Variants in VWA3B observed in about 807,000 individuals in gnomAD.
VWA3B encodes the protein von Willebrand factor A domain containing 3B.
Under a neutral mutation model 158.3 loss-of-function variants are expected in VWA3B, and 138 were observed. That is an observed-to-expected ratio of 0.87 (90% CI 0.76 to 1.00). The LOEUF (loss-of-function observed/expected upper bound fraction) is 1.00, where lower values mean the gene tolerates loss of function less well. VWA3B is among the 50% of genes least tolerant of loss of function. VWA3B has a pLI of 0.00. For synonymous variants in VWA3B, 596 were observed against 587.3 expected (o/e 1.01, Z -0.21); for missense variants, 1,555 against 1,565.1 (o/e 0.99, Z 0.11).
chr2:98,265,967 G>A (rs1229151279), intron 21 of VWA3B, among the ~76,000 whole-genome samples: 3 of 135,806 alleles, frequency 2.2e-5, no homozygotes, highest in Admixed American at 1.4e-4. Context: ...TGAGTAGGTT[G>A]CGAAAATTTT....
rs549154520 is a variant in VWA3B at position 98,094,280 on chromosome 2, T to C, written c.196+992T>C. ...CACCAACAGTGTGTGTGGGTATCCT[T>C]TTCTCCATATCCTTGCCAACACTTA... On this transcript the variant is annotated intron_variant, in intron 2 of 27. Coordinates refer to ENST00000477737, the MANE Select transcript of VWA3B (RefSeq NM_144992.5). Among the ~76,000 whole-genome samples the C allele has an allele frequency of 4.6e-5, 7 of 152,322 alleles. No individual in the cohort carries two copies. In the South Asian group the frequency reaches 1.5e-3, roughly 32 times the overall value.
chr2:98,229,227 T>A (rs1685156639), intron 15 of VWA3B, among the ~76,000 whole-genome samples: 1 of 152,248 alleles, frequency 6.6e-6, no homozygotes, highest in African/African-American at 2.4e-5. Context: ...AAGAATCAAG[T>A]AAATGAGAAG....
chr2:98,109,552 C>T (rs1673967781), intron 2 of VWA3B, among the ~76,000 whole-genome samples: 1 of 152,136 alleles, frequency 6.6e-6, no homozygotes, highest in Admixed American at 6.5e-5. Context: ...TTGTAATACT[C>T]AAAAGGAGAA....
chr2:98,177,068 G>A (rs1428154485), intron 8 of VWA3B, among the ~76,000 whole-genome samples: 1 of 152,190 alleles, frequency 6.6e-6, no homozygotes, highest in Non-Finnish European at 1.5e-5. Flanking sequence ...GAGCCCCTCT[G>A]GAGCTGAACC....
chr2:98,247,719 C>G (rs1478661048), intron 19 of VWA3B, among the ~76,000 whole-genome samples: 1 of 152,002 alleles, frequency 6.6e-6, no homozygotes, highest in Non-Finnish European at 1.5e-5. Flanking sequence ...ATTCAGTATG[C>G]TGCAGTCTTA....
intron 12 of VWA3B, among the ~76,000 whole-genome samples, chr2:98,199,035 C>A (rs1432241418): frequency 6.7e-6 from 1 of 150,292 alleles, no homozygotes; most frequent in Non-Finnish European, 1.5e-5. Flanking sequence ...TCCAGTGAGC[C>A]GAGATGGCGC....
Position 98,236,492 on chromosome 2 carries a change from T to C in VWA3B, c.2516+15T>C. On this transcript the variant is annotated intron_variant, in intron 18 of 27. Coordinates refer to ENST00000477737, the MANE Select transcript of VWA3B (RefSeq NM_144992.5). ...TATGACCACGAGTGAGTTCTTTAAT[T>C]TGACAAAGACAGTTCTGTTATGCTT... 3.7e-6 allele frequency: 6 copies of C among 1,614,218 alleles called. No homozygotes were observed. The highest frequency in any genetic ancestry group is 4.2e-6 in the Non-Finnish European group (5 of 1,180,014).
chr2:98,102,676 C>T (rs981366503), intron 2 of VWA3B, among the ~76,000 whole-genome samples: 4 of 152,162 alleles, frequency 2.6e-5, no homozygotes, highest in African/African-American at 4.8e-5. Flanking sequence ...GATATTGCTC[C>T]GTAACTTTCT....
At chr2:98,322,376 T>TA in the VWA3B span, among the ~76,000 whole-genome samples, 1 of 151,906 alleles carries the variant, frequency 6.6e-6, no homozygotes, top group Non-Finnish European at 1.5e-5. Flanking sequence ...GTGCCAGAAA[T>TA]AAGAGTTCAG....
intron 17 of VWA3B, among the ~76,000 whole-genome samples, chr2:98,235,617 G>C (rs977800534): frequency 5.3e-5 from 8 of 152,128 alleles, no homozygotes; most frequent in Non-Finnish European, 1.0e-4. Flanking sequence ...GTAGAGACAG[G>C]GTTCCACCAT....
At chr2:98,178,172 A>G (rs1680170267) in intron 8 of VWA3B, among the ~76,000 whole-genome samples, 1 of 151,890 alleles carries the variant, frequency 6.6e-6, no homozygotes, top group Non-Finnish European at 1.5e-5. Context: ...AACCCCAGGG[A>G]CTCGGAGCTC....
chr2:98,249,979 C>T (rs1471525943), intron 19 of VWA3B, among the ~76,000 whole-genome samples: 2 of 152,180 alleles, frequency 1.3e-5, no homozygotes, highest in Non-Finnish European at 1.5e-5. Context: ...ATTGCCCACT[C>T]TTACCAATTT....
chr2:98,147,989 T>C lies in VWA3B; in HGVS notation c.988+14050T>C, dbSNP rs990658679. ...GTTTTTAGTCCTTGCAATAGTTTGC[T>C]GGGAATGATGGTTTCCAGCTTCATC... is the stretch of plus-strand genomic sequence containing the variant. On this transcript the variant is annotated intron_variant, in intron 7 of 27. Coordinates refer to ENST00000477737, the MANE Select transcript of VWA3B (RefSeq NM_144992.5). Among the ~76,000 whole-genome samples the C allele has an allele frequency of 7.2e-5, 11 of 152,260 alleles. No homozygotes were observed. The South Asian group carries it at 8.3e-4, about 11-fold the overall frequency.
chr2:98,156,895 C>T (rs1678126974), intron 7 of VWA3B, among the ~76,000 whole-genome samples: 1 of 152,118 alleles, frequency 6.6e-6, no homozygotes, highest in Middle Eastern at 3.4e-3. Context: ...GTCTACTAGC[C>T]CCATAGCATC....
intron 22 of VWA3B, among the ~76,000 whole-genome samples, chr2:98,282,231 G>A (rs1688918518): frequency 1.3e-5 from 2 of 152,066 alleles, no homozygotes; most frequent in African/African-American, 4.8e-5. Context: ...TGTTTCTGTG[G>A]GATGAACCAT....
intron 21 of VWA3B, among the ~76,000 whole-genome samples, chr2:98,267,209 G>C (rs1574238145): frequency 6.6e-6 from 1 of 151,466 alleles, no homozygotes; most frequent in East Asian, 2.0e-4. Flanking sequence ...TTATTATTTT[G>C]AGATACGTCC....
chr2:98,179,133 G>A, intron 8 of VWA3B: 1 of 455,454 alleles, frequency 2.2e-6, no homozygotes, highest in South Asian at 1.6e-5. Context: ...CCATCGCCCA[G>A]CATGGAGTTG....
rs184993144 is a variant in VWA3B, at chr2:98,279,476, C to A, written c.3045+8593C>A. Reference sequence around the variant, plus strand: ...TAAACAGATCTGGGGACAGATTTGCCCTCCCTGTCTGGAGGAAGAAAACGG... The same window carrying A: ...TAAACAGATCTGGGGACAGATTTGCACTCCCTGTCTGGAGGAAGAAAACGG... On this transcript the variant is annotated intron_variant, in intron 22 of 27. Coordinates refer to ENST00000477737, the MANE Select transcript of VWA3B (RefSeq NM_144992.5). Among the ~76,000 whole-genome samples the A allele has an allele frequency of 2.0e-5, 3 of 152,304 alleles. No individual in the cohort carries two copies. In the East Asian group the frequency reaches 5.8e-4, roughly 29 times the overall value.
At chr2:98,153,464 ATAT>A (rs1461901802) in intron 7 of VWA3B, among the ~76,000 whole-genome samples, 1 of 152,164 alleles carries the variant, frequency 6.6e-6, no homozygotes, top group Non-Finnish European at 1.5e-5. Flanking sequence ...CTAAGACTAA[ATAT>A]TATGAAACTG....
Sources: allele counts gnomAD v4.1 joint callset (sites outside exome capture counted in the v4.1 genomes callset), GRCh38; gene constraint gnomAD v4.1.1; transcripts MANE v1.5; gene names NCBI Gene and HGNC (gene_info 2026-07-23, HGNC 2026-07-21).